ERBB4: variants seen among roughly 807,000 people sequenced by gnomAD.
ERBB4 encodes the protein receptor tyrosine-protein kinase erbB-4.
ERBB4 carries 42 observed loss-of-function variants against 158.0 expected under a neutral mutation model. That is an observed-to-expected ratio of 0.27 (90% CI 0.21 to 0.34). The LOEUF (loss-of-function observed/expected upper bound fraction) is 0.34. Among genes scored for constraint, ERBB4 ranks in the 10% least tolerant of loss-of-function variants. The pLI is 1.00. For missense variants in ERBB4, 1,333 were observed against 1,624.1 expected (o/e 0.82, Z 3.08); for synonymous variants, 583 against 558.7 (o/e 1.04, Z -0.61).
intron 17 of ERBB4, among the ~76,000 whole-genome samples, chr2:211,627,999 GT>G (rs1170110912): frequency 6.6e-6 from 1 of 152,098 alleles, no homozygotes; most frequent in Non-Finnish European, 1.5e-5. Flanking sequence ...ACAACACTAA[GT>G]TTTATCCTGT....
intron 5 of ERBB4, among the ~76,000 whole-genome samples, chr2:211,741,078 C>T (rs538647665): frequency 6.6e-6 from 1 of 152,272 alleles, no homozygotes; most frequent in East Asian, 1.9e-4. Flanking sequence ...AAATCTCACA[C>T]TTCTTTCCAT....
chr2:212,519,168 T>G (rs1692009818), intron 1 of ERBB4, among the ~76,000 whole-genome samples: 1 of 152,036 alleles, frequency 6.6e-6, no homozygotes, highest in Non-Finnish European at 1.5e-5. Flanking sequence ...CTTACTAGCC[T>G]TCTCAGAAAT....
intron 2 of ERBB4, among the ~76,000 whole-genome samples, chr2:212,054,444 T>G (rs1316238717): frequency 1.3e-5 from 2 of 151,890 alleles, no homozygotes; most frequent in African/African-American, 4.8e-5. Flanking sequence ...CAAGATTGAG[T>G]GGAAAAAGCT....
intron 1 of ERBB4, among the ~76,000 whole-genome samples, chr2:212,327,709 C>A (rs1289587182): frequency 7.8e-6 from 1 of 128,748 alleles, no homozygotes; most frequent in Non-Finnish European, 1.6e-5. Flanking sequence ...TTTAACGATT[C>A]TTTTTTTTTT....
chr2:211,605,113 C>G (rs867258609), intron 19 of ERBB4, among the ~76,000 whole-genome samples: 2 of 152,252 alleles, frequency 1.3e-5, no homozygotes, highest in Admixed American at 6.5e-5. Context: ...ACTTGGATCA[C>G]AGTTAACAGA....
At chr2:211,866,608 C>G (rs1172934491) in intron 3 of ERBB4, among the ~76,000 whole-genome samples, 1 of 152,038 alleles carries the variant, frequency 6.6e-6, no homozygotes, top group Non-Finnish European at 1.5e-5. Flanking sequence ...GTCTTATAAT[C>G]AAGTACAATT....
intron 19 of ERBB4, among the ~76,000 whole-genome samples, chr2:211,610,078 A>C (rs1204042946): frequency 1.3e-5 from 2 of 152,110 alleles, no homozygotes; most frequent in African/African-American, 4.8e-5. Context: ...GTAATAAGTA[A>C]TTACCCAACG....
At chr2:211,669,066 T>C (rs936381372) in intron 14 of ERBB4, among the ~76,000 whole-genome samples, 1 of 150,884 alleles carries the variant, frequency 6.6e-6, no homozygotes, top group African/African-American at 2.4e-5. Flanking sequence ...CTACAAAAAA[T>C]ATAAAAATTA....
At chr2:212,110,992 T>TA (rs2079387305) in intron 2 of ERBB4, among the ~76,000 whole-genome samples, 1 of 152,220 alleles carries the variant, frequency 6.6e-6, no homozygotes, top group Admixed American at 6.5e-5. Flanking sequence ...CCTAACAGTG[T>TA]ACCTTACCTT....
Position 212,221,018 on chromosome 2 carries a change from A to G in ERBB4, c.83-96115T>C, listed in dbSNP as rs537540174. On this transcript the variant is annotated intron_variant, in intron 1 of 27. Coordinates refer to ENST00000342788, the MANE Select transcript of ERBB4 (RefSeq NM_005235.3). ...CAATTCCTGACATTTTGTCCAACCCAGTATGTAGGTGACTTCCACACAACC... is the reference window on the plus strand; with the variant it reads ...CAATTCCTGACATTTTGTCCAACCCGGTATGTAGGTGACTTCCACACAACC... 4.6e-5 allele frequency among the ~76,000 whole-genome samples: 7 copies of G among 151,564 alleles called. No individual in the cohort carries two copies. In the South Asian group the frequency reaches 1.2e-3, roughly 27 times the overall value.
chr2:211,460,510 T>C (rs1396827386), intron 20 of ERBB4, among the ~76,000 whole-genome samples: 1 of 152,198 alleles, frequency 6.6e-6, no homozygotes, highest in Non-Finnish European at 1.5e-5. Context: ...ATGGTGGAAG[T>C]TGAAACATAA....
chr2:211,407,536 C>A (rs1358069354), intron 25 of ERBB4, among the ~76,000 whole-genome samples: 1 of 152,142 alleles, frequency 6.6e-6, no homozygotes, highest in Non-Finnish European at 1.5e-5. Flanking sequence ...CTTCCAATTT[C>A]TTTCCCTTTT....
intron 1 of ERBB4, among the ~76,000 whole-genome samples, chr2:212,522,379 T>G (rs1692218113): frequency 6.6e-6 from 1 of 151,982 alleles, no homozygotes; most frequent in South Asian, 2.1e-4. Flanking sequence ...TAATGTGTGA[T>G]GTACAGAAGT....
At chr2:211,630,639 A>G (rs773403279) in intron 16 of ERBB4, 45 bp from the exon 17 acceptor site, 1 of 1,527,438 alleles carries the variant, frequency 6.5e-7, no homozygotes, top group South Asian at 1.1e-5. Flanking sequence ...GTATGAAGAG[A>G]GAGAAGACAG....
intron 2 of ERBB4, among the ~76,000 whole-genome samples, chr2:212,003,009 G>C (rs2076141842): frequency 6.7e-6 from 1 of 150,312 alleles, no homozygotes. Context: ...GACTGAGATT[G>C]TGCCACTGCA....
chr2:212,224,800 A>G (rs544637319), intron 1 of ERBB4, among the ~76,000 whole-genome samples: 10 of 152,086 alleles, frequency 6.6e-5, no homozygotes, highest in Non-Finnish European at 1.5e-4. Flanking sequence ...GCACAGAATG[A>G]TGTAACTGAA....
intron 19 of ERBB4, among the ~76,000 whole-genome samples, chr2:211,577,201 A>C (rs2067916915): frequency 1.3e-5 from 2 of 152,150 alleles, no homozygotes; most frequent in African/African-American, 4.8e-5. Flanking sequence ...TGTGGCATGC[A>C]TGGGGAATAC....
intron 4 of ERBB4, among the ~76,000 whole-genome samples, 179 bp from the exon 5 acceptor site, chr2:211,750,883 T>C (rs1014297225): frequency 3.3e-5 from 5 of 152,208 alleles, no homozygotes; most frequent in Admixed American, 6.5e-5. Flanking sequence ...GTCAAACATA[T>C]GTGAAACTAA....
chr2:212,042,634 A>G (rs961489756), intron 2 of ERBB4, among the ~76,000 whole-genome samples: 2 of 152,076 alleles, frequency 1.3e-5, no homozygotes, highest in Non-Finnish European at 2.9e-5. Flanking sequence ...TTAAGTGCCT[A>G]TAATCTTTCT....
Sources: allele counts gnomAD v4.1 joint callset (sites outside exome capture counted in the v4.1 genomes callset), GRCh38; gene constraint gnomAD v4.1.1; transcripts MANE v1.5; gene names NCBI Gene and HGNC (gene_info 2026-07-23, HGNC 2026-07-21).